The following CDK14 variants were observed in gnomAD, a reference collection of about 807,000 sequenced individuals.
CDK14 encodes the protein cyclin dependent kinase 14, also known as cyclin-dependent kinase 14.
CDK14 carries 34 observed loss-of-function variants against 60.7 expected under a neutral mutation model. The ratio of observed to expected loss-of-function variants is 0.56; its 90% confidence interval spans 0.43 to 0.75. The LOEUF is 0.75. CDK14 is among the 30% of genes least tolerant of loss of function. CDK14 has a pLI of 0.00. For synonymous variants in CDK14, 197 were observed against 203.7 expected (o/e 0.97, Z 0.28); for missense variants, 482 against 564.1 (o/e 0.85, Z 1.47).
At chr7:90,742,993 C>T (rs1392762899) in intron 3 of CDK14, among the ~76,000 whole-genome samples, 1 of 151,968 alleles carries the variant, frequency 6.6e-6, no homozygotes, top group Non-Finnish European at 1.5e-5. Context: ...ACTTATGTTT[C>T]ATATATAGCT....
chr7:91,103,204 G>A (rs1483308498), intron 12 of CDK14, among the ~76,000 whole-genome samples: 1 of 151,888 alleles, frequency 6.6e-6, no homozygotes. Context: ...AGCAAGCCGA[G>A]ACCATGCCAC....
At chr7:91,193,798 G>A (rs7800926) in intron 14 of CDK14, among the ~76,000 whole-genome samples, 8,814 of 151,984 alleles carry the variant, frequency 0.058, 383 homozygotes, top group Admixed American at 0.14. Context: ...ATGTGTATAT[G>A]GTACTGATCA....
At chr7:90,831,095 T>A (rs1221535119) in intron 5 of CDK14, among the ~76,000 whole-genome samples, 2 of 152,222 alleles carry the variant, frequency 1.3e-5, no homozygotes, top group Non-Finnish European at 2.9e-5. Context: ...CAAAGTCACT[T>A]CCACATTTTC....
intron 2 of CDK14, among the ~76,000 whole-genome samples, chr7:90,658,138 G>A (rs1047260551): frequency 1.1e-4 from 16 of 152,162 alleles, no homozygotes; most frequent in African/African-American, 3.9e-4. Flanking sequence ...CTTACCTACT[G>A]TCTGTCTCTA....
intron 5 of CDK14, among the ~76,000 whole-genome samples, chr7:90,804,308 A>G (rs1377748788): frequency 6.6e-6 from 1 of 152,212 alleles, no homozygotes; most frequent in Non-Finnish European, 1.5e-5. Context: ...TATTACCAAC[A>G]TGAATCTTTT....
At chr7:90,707,304 A>G (rs1294070556) in intron 2 of CDK14, among the ~76,000 whole-genome samples, 2 of 152,090 alleles carry the variant, frequency 1.3e-5, no homozygotes, top group Non-Finnish European at 2.9e-5. Context: ...TTCCCTTTCC[A>G]TAGACTTCAT....
intron 5 of CDK14, among the ~76,000 whole-genome samples, chr7:90,792,638 C>T (rs765768662): frequency 1.8e-4 from 27 of 152,160 alleles, no homozygotes; most frequent in Admixed American, 3.3e-4. Flanking sequence ...AATCTGTCCA[C>T]GTTCTGTCTC....
intron 4 of CDK14, among the ~76,000 whole-genome samples, chr7:90,750,709 C>T (rs1803805094): frequency 1.3e-5 from 2 of 151,982 alleles, no homozygotes; most frequent in Admixed American, 1.3e-4. Flanking sequence ...CCCATCTCTA[C>T]TAAAAACAGA....
At chr7:91,021,094 C>T (rs552295175) in intron 10 of CDK14, among the ~76,000 whole-genome samples, 45 of 152,336 alleles carry the variant, frequency 3.0e-4, no homozygotes, top group South Asian at 6.2e-4. Flanking sequence ...GATTTTCTCT[C>T]TCTAGTCTAC....
chr7:90,643,960 C>T (rs1246579275), intron 2 of CDK14, among the ~76,000 whole-genome samples: 1 of 152,170 alleles, frequency 6.6e-6, no homozygotes, highest in Non-Finnish European at 1.5e-5. Flanking sequence ...ATTGAAGCGC[C>T]AGTCTCCAAT....
intron 14 of CDK14, among the ~76,000 whole-genome samples, chr7:91,176,790 C>G (rs1374222876): frequency 6.6e-6 from 1 of 151,646 alleles, no homozygotes; most frequent in East Asian, 1.9e-4. Context: ...AGACCAATAA[C>G]AGGAGCTGAA....
intron 9 of CDK14, among the ~76,000 whole-genome samples, chr7:90,983,233 T>TA (rs1485826205): frequency 4.0e-5 from 6 of 151,776 alleles, no homozygotes; most frequent in East Asian, 1.9e-4. Flanking sequence ...CAAATCATTC[T>TA]AAAAAAAAGA....
chr7:90,907,008 A>G (rs919149498), intron 7 of CDK14, among the ~76,000 whole-genome samples: 4 of 152,094 alleles, frequency 2.6e-5, no homozygotes, highest in South Asian at 4.1e-4. Flanking sequence ...ATATTCACTA[A>G]TAACAAATGG....
chr7:91,068,851 C>T (rs1798055693), intron 11 of CDK14, among the ~76,000 whole-genome samples: 1 of 132,766 alleles, frequency 7.5e-6, no homozygotes, highest in African/African-American at 2.8e-5. Context: ...CAGATCATAT[C>T]TTAAAGGCCA....
In CDK14 at chr7:90,712,068, GT is replaced by G. The variant is rs544472058; in HGVS notation, c.124-14488del. On this transcript the variant is annotated intron_variant, in intron 2 of 14. Transcript: ENST00000380050. ...ATTTCAAAGAGAAAATATGTGGCAA[GT>G]TTTTTTTTTTCATTTTGGTAGTTAT... Among the ~76,000 whole-genome samples the G allele has an allele frequency of 1.8e-3, 261 of 145,854 alleles. 2 individuals carry two copies. The highest frequency in any genetic ancestry group is 2.4e-3 in the Non-Finnish European group (156 of 66,292).
chr7:90,633,388 A>T (rs1800049849), intron 2 of CDK14, among the ~76,000 whole-genome samples: 1 of 152,296 alleles, frequency 6.6e-6, no homozygotes, highest in East Asian at 1.9e-4. Context: ...TCATGGTAAA[A>T]TTTCTTAGAT....
At chr7:90,737,972 T>C (rs1358458880) in intron 3 of CDK14, among the ~76,000 whole-genome samples, 1 of 152,198 alleles carries the variant, frequency 6.6e-6, no homozygotes, top group Non-Finnish European at 1.5e-5. Flanking sequence ...CAGGGTATCA[T>C]TACAGTGAAC....
intron 8 of CDK14, among the ~76,000 whole-genome samples, chr7:90,946,471 A>G (rs1794103336): frequency 6.6e-6 from 1 of 152,250 alleles, no homozygotes; most frequent in Non-Finnish European, 1.5e-5. Context: ...AAAATAATTC[A>G]GAAAACCTGG....
intron 9 of CDK14, among the ~76,000 whole-genome samples, chr7:90,980,494 G>C (rs111369406): frequency 2.0e-4 from 31 of 152,278 alleles, no homozygotes; most frequent in African/African-American, 7.2e-4. Context: ...ATGGAGGGTA[G>C]AAAGAGGTGG....
Sources: allele counts gnomAD v4.1 joint callset (sites outside exome capture counted in the v4.1 genomes callset), GRCh38; gene constraint gnomAD v4.1.1; transcripts MANE v1.5; gene names NCBI Gene and HGNC (gene_info 2026-07-23, HGNC 2026-07-21).